The following MYO1D variants were observed in gnomAD, a reference collection of about 807,000 sequenced individuals.
MYO1D encodes the protein myosin ID.
In MYO1D, 83 loss-of-function variants were observed where a neutral mutation model predicts 122.0. The observed-to-expected ratio is 0.68, with a 90% CI of 0.57 to 0.82. MYO1D has a LOEUF of 0.82. Ranked by LOEUF, MYO1D falls within the 40% of genes least tolerant of loss-of-function variation. The pLI is 0.00. For synonymous variants in MYO1D, 464 were observed against 446.9 expected (o/e 1.04, Z -0.48); for missense variants, 1,157 against 1,269.5 (o/e 0.91, Z 1.35).
chr17:32,563,257 T>C (rs1291141806), intron 21 of MYO1D, among the ~76,000 whole-genome samples: 1 of 142,454 alleles, frequency 7.0e-6, no homozygotes, highest in Non-Finnish European at 1.5e-5. Flanking sequence ...TTGCCCAGGC[T>C]GGAGCGTAGT....
intron 1 of MYO1D, among the ~76,000 whole-genome samples, chr17:32,790,545 C>T (rs2090340340): frequency 6.6e-6 from 1 of 152,192 alleles, no homozygotes; most frequent in South Asian, 2.1e-4. Context: ...ACATATCTAT[C>T]TTGTTCATGT....
rs200983364 is a variant in MYO1D, at chr17:32,876,884, G to C, written c.-12C>G. On this transcript the variant is annotated 5_prime_UTR_variant, in exon 1 of 22. Transcript: ENST00000318217. ...TCCTGCTCCGCCATGGCGCCAGCGC[G>C]GGGGCTCAGGTGGGCGCGCTCGGGC... 5.3e-4 allele frequency: 781 copies of C among 1,468,440 alleles called. No homozygotes were observed. The highest frequency in any genetic ancestry group is 9.6e-4 in the Admixed American group (41 of 42,874). The allele number at this position is 1,468,440 out of a possible 1,614,324, so 91.0% of individuals were successfully genotyped here.
chr17:32,535,379 A>G (rs1157818045), intron 21 of MYO1D, among the ~76,000 whole-genome samples: 1 of 152,388 alleles, frequency 6.6e-6, no homozygotes, highest in Non-Finnish European at 1.5e-5. Flanking sequence ...AATAATAATT[A>G]AAAACACACT....
intron 16 of MYO1D, among the ~76,000 whole-genome samples, chr17:32,688,532 A>T (rs765308472): frequency 3.9e-5 from 6 of 152,212 alleles, no homozygotes; most frequent in Non-Finnish European, 7.3e-5. Context: ...GACTTTAGTG[A>T]GGAGGCAGAA....
At chr17:32,737,890 A>T (rs1430428234) in intron 14 of MYO1D, among the ~76,000 whole-genome samples, 1 of 152,248 alleles carries the variant, frequency 6.6e-6, no homozygotes, top group Non-Finnish European at 1.5e-5. Flanking sequence ...ACATTTTACA[A>T]CTTAATTCAA....
chr17:32,572,546 C>A (rs1383325707), intron 21 of MYO1D, among the ~76,000 whole-genome samples: 1 of 152,188 alleles, frequency 6.6e-6, no homozygotes, highest in East Asian at 1.9e-4. Flanking sequence ...CTATAATCCA[C>A]CCTCCACAAA....
At chr17:32,734,380 T>C (rs1369829259) in intron 14 of MYO1D, among the ~76,000 whole-genome samples, 3 of 152,180 alleles carry the variant, frequency 2.0e-5, no homozygotes, top group Non-Finnish European at 2.9e-5. Flanking sequence ...TTTTAATTTA[T>C]CAGCTTTATT....
At chr17:32,569,523 C>G (rs2087203749) in intron 21 of MYO1D, among the ~76,000 whole-genome samples, 1 of 152,190 alleles carries the variant, frequency 6.6e-6, no homozygotes, top group South Asian at 2.1e-4. Context: ...TGGTGAACAC[C>G]CAGGGGAAGT....
intron 1 of MYO1D, among the ~76,000 whole-genome samples, chr17:32,856,990 C>G (rs2091032408): frequency 6.6e-6 from 1 of 152,182 alleles, no homozygotes; most frequent in Non-Finnish European, 1.5e-5. Flanking sequence ...GCAGGGGTAG[C>G]AGAAATGTCA....
At chr17:32,506,241 C>A (rs1466089225) in intron 21 of MYO1D, among the ~76,000 whole-genome samples, 2 of 152,088 alleles carry the variant, frequency 1.3e-5, no homozygotes, top group Admixed American at 6.5e-5. Context: ...ATAAGCAAAC[C>A]CAAATACACA....
chr17:32,621,985 G>T (rs527502592), intron 20 of MYO1D, among the ~76,000 whole-genome samples: 1 of 152,262 alleles, frequency 6.6e-6, no homozygotes, highest in Non-Finnish European at 1.5e-5. Flanking sequence ...CCTCCAGACT[G>T]GGAAATAGAT....
chr17:32,612,675 C>A (rs1203232830), intron 20 of MYO1D, among the ~76,000 whole-genome samples: 3 of 127,546 alleles, frequency 2.4e-5, no homozygotes, highest in East Asian at 4.3e-4. Flanking sequence ...CAGAGTGAGA[C>A]CCATCTCAAA....
At chr17:32,658,337 G>T (rs1267923990) in intron 17 of MYO1D, among the ~76,000 whole-genome samples, 3 of 152,148 alleles carry the variant, frequency 2.0e-5, no homozygotes, top group Admixed American at 1.3e-4. Context: ...GGAGTATCAT[G>T]ATAAAATGAC....
chr17:32,664,727 A>G (rs1003055893), intron 16 of MYO1D, among the ~76,000 whole-genome samples: 1 of 152,196 alleles, frequency 6.6e-6, no homozygotes, highest in Non-Finnish European at 1.5e-5. Flanking sequence ...GCCTGCTGAC[A>G]GGGAACGACT....
intron 1 of MYO1D, chr17:32,863,192 T>C (rs1009225648): frequency 6.6e-6 from 1 of 152,264 alleles, no homozygotes; most frequent in Non-Finnish European, 1.5e-5. Context: ...GCACTCATCA[T>C]GTTTGGTTTG....
At chr17:32,594,918 G>A (rs1422703315) in intron 21 of MYO1D, among the ~76,000 whole-genome samples, 1 of 152,170 alleles carries the variant, frequency 6.6e-6, no homozygotes, top group Non-Finnish European at 1.5e-5. Flanking sequence ...GACAAGGAGA[G>A]TCTGAAATTA....
At chr17:32,537,213 T>C (rs1006933998) in intron 21 of MYO1D, among the ~76,000 whole-genome samples, 3 of 152,230 alleles carry the variant, frequency 2.0e-5, no homozygotes, top group African/African-American at 7.2e-5. Context: ...CAAATTGAAA[T>C]ATTCATAGTG....
chr17:32,741,658 A>G (rs1441146998), intron 13 of MYO1D, among the ~76,000 whole-genome samples: 2 of 152,192 alleles, frequency 1.3e-5, no homozygotes, highest in Non-Finnish European at 2.9e-5. Context: ...CTTCCCAAGC[A>G]CGTTTTCCAA....
At chr17:32,616,456 TACC>T (rs1466193720) in intron 20 of MYO1D, among the ~76,000 whole-genome samples, 5 of 151,354 alleles carry the variant, frequency 3.3e-5, no homozygotes, top group African/African-American at 9.7e-5. Flanking sequence ...TACAGGCATG[TACC>T]ACCACATCTG....
Sources: gnomAD v4.1 joint callset for allele counts (sites outside exome capture counted in the v4.1 genomes callset) on GRCh38, gnomAD v4.1.1 for gene constraint, MANE v1.5 for transcripts, NCBI Gene and HGNC (gene_info 2026-07-23, HGNC 2026-07-21) for gene names.